The following PRKG1 variants were observed in gnomAD, a reference collection of about 807,000 sequenced individuals.
The protein encoded by PRKG1 is protein kinase cGMP-dependent 1, also known as cGMP-dependent protein kinase 1.
PRKG1 carries 35 observed loss-of-function variants against 88.1 expected under a neutral mutation model. The observed-to-expected ratio is 0.40, with a 90% CI of 0.30 to 0.53. The LOEUF is 0.53. Among genes scored for constraint, PRKG1 ranks in the 20% least tolerant of loss-of-function variants. PRKG1 has a pLI of 0.59. For synonymous variants in PRKG1, 303 were observed against 292.5 expected, an observed-to-expected ratio of 1.04 and a Z score of -0.37; for missense variants, 540 against 839.8, an observed-to-expected ratio of 0.64 and a Z score of 4.41.
In PRKG1 at chr10:51,498,193, A is replaced by C. The variant is rs538196383; in HGVS notation, c.592+30357A>C. Among the ~76,000 whole-genome samples, 3 of 152,338 alleles carry C rather than the reference A, an allele frequency of 2.0e-5. No homozygotes were observed. The South Asian group carries it at 6.2e-4, about 32-fold the overall frequency. ...TAAGGATATGTGAAGTTCATAATTT[A>C]GTAACTTCCTAATTTAATAAGCTCA... is the stretch of plus-strand genomic sequence containing the variant. On this transcript the variant is annotated intron_variant, in intron 3 of 17. Transcript: ENST00000373980.
At chr10:51,091,351 A>C (rs1844393556) in intron 1 of PRKG1, among the ~76,000 whole-genome samples, 2 of 151,996 alleles carry the variant, frequency 1.3e-5, no homozygotes, top group South Asian at 4.2e-4. Context: ...TTACCCCCTA[A>C]ATTTCCTGGA....
intron 5 of PRKG1, among the ~76,000 whole-genome samples, chr10:51,953,735 T>C (rs1843239480): frequency 6.6e-6 from 1 of 152,114 alleles, no homozygotes; most frequent in African/African-American, 2.4e-5. Context: ...TTTTTTTAAC[T>C]TTTGAACTGA....
chr10:51,351,398 C>T (rs919414902), intron 2 of PRKG1, among the ~76,000 whole-genome samples: 1 of 152,160 alleles, frequency 6.6e-6, no homozygotes, highest in African/African-American at 2.4e-5. Flanking sequence ...GTTCCTATTT[C>T]TCCACATCCT....
chr10:51,926,701 T>G (rs1296556279), intron 5 of PRKG1, among the ~76,000 whole-genome samples: 2 of 151,874 alleles, frequency 1.3e-5, no homozygotes, highest in African/African-American at 4.8e-5. Flanking sequence ...GACATATCAG[T>G]TTTCCATAGT....
At chr10:51,034,451 T>C (rs1335697929) in intron 1 of PRKG1, among the ~76,000 whole-genome samples, 3 of 151,852 alleles carry the variant, frequency 2.0e-5, no homozygotes, top group African/African-American at 7.3e-5. Flanking sequence ...TCCATGTCTA[T>C]TTTTCATAAA....
intron 2 of PRKG1, among the ~76,000 whole-genome samples, chr10:51,277,634 G>T (rs1840163355): frequency 6.6e-6 from 1 of 151,196 alleles, no homozygotes; most frequent in Admixed American, 6.6e-5. Context: ...CTCTTTTATT[G>T]AGCAGTGGTT....
chr10:51,282,355 TTATA>T (rs147147129), intron 2 of PRKG1, among the ~76,000 whole-genome samples: 1 of 150,672 alleles, frequency 6.6e-6, no homozygotes, highest in African/African-American at 2.5e-5. Context: ...AACATTTTGG[TTATA>T]TATATATATA....
chr10:51,188,356 A>G (rs760571809), intron 2 of PRKG1, among the ~76,000 whole-genome samples: 2 of 151,976 alleles, frequency 1.3e-5, no homozygotes, highest in Non-Finnish European at 2.9e-5. Context: ...ATATACCACA[A>G]TTATAGGCTA....
intron 3 of PRKG1, among the ~76,000 whole-genome samples, chr10:51,804,330 G>A (rs770402992): frequency 1.3e-5 from 2 of 152,048 alleles, no homozygotes; most frequent in Non-Finnish European, 2.9e-5. Flanking sequence ...AAGGGTCATA[G>A]AGCAAGGGCA....
At chr10:51,405,504 C>T (rs926964917) in intron 2 of PRKG1, among the ~76,000 whole-genome samples, 3 of 152,178 alleles carry the variant, frequency 2.0e-5, no homozygotes, top group African/African-American at 7.2e-5. Context: ...TTCTTTTATA[C>T]GTACAGGCGA....
At chr10:52,069,819 C>T (rs768214124) in intron 7 of PRKG1, among the ~76,000 whole-genome samples, 11 of 151,636 alleles carry the variant, frequency 7.3e-5, no homozygotes, top group East Asian at 1.9e-4. Flanking sequence ...TAAAATTTTA[C>T]CCATGTGAAA....
At chr10:51,017,024 C>T (rs1490135617) in intron 1 of PRKG1, among the ~76,000 whole-genome samples, 2 of 151,928 alleles carry the variant, frequency 1.3e-5, no homozygotes, top group East Asian at 1.9e-4. Context: ...CAGTGACTTG[C>T]TCAAGGTGCT....
At chr10:51,392,849 G>A (rs1409401180) in intron 2 of PRKG1, among the ~76,000 whole-genome samples, 10 of 147,562 alleles carry the variant, frequency 6.8e-5, no homozygotes, top group Non-Finnish European at 1.1e-4. Flanking sequence ...GCGGCTGGCC[G>A]GGCTGGGGGC....
rs1186609950 is a variant in PRKG1 at position 51,263,939 on chromosome 10, T to A, written c.478+110609T>A. The stretch of plus-strand genomic sequence containing the variant: ...ATGGTAATCCATAATATATTATAAT[T>A]TGAATCAGTGAACTTGAAGAACAGC... On this transcript the variant is annotated intron_variant, in intron 2 of 17. Coordinates refer to ENST00000373980, the MANE Select transcript of PRKG1 (RefSeq NM_006258.4). Among the ~76,000 whole-genome samples, 3 of 152,226 alleles carry A rather than the reference T, an allele frequency of 2.0e-5. No homozygotes were observed. The East Asian group carries it at 5.8e-4, about 29-fold the overall frequency.
At chr10:51,627,944 T>TCCTC (rs1181354283) in intron 3 of PRKG1, among the ~76,000 whole-genome samples, 1 of 41,754 alleles carries the variant, frequency 2.4e-5, no homozygotes, top group Non-Finnish European at 5.2e-5. Flanking sequence ...CTTCCTTCCT[T>TCCTC]TCTTTCTTTC....
intron 7 of PRKG1, chr10:52,081,658 G>C (rs1326677151): frequency 2.2e-6 from 1 of 456,520 alleles, no homozygotes; most frequent in African/African-American, 2.0e-5. Context: ...ACATTCTGAG[G>C]TAAGGAGTAA....
In PRKG1 at chr10:51,789,800, A is replaced by G. The variant is rs1297676224; in HGVS notation, c.593-14785A>G. Among the ~76,000 whole-genome samples, 6 of 151,864 alleles carry G rather than the reference A, an allele frequency of 4.0e-5. No homozygotes were observed. In the East Asian group the frequency reaches 7.7e-4, roughly 20 times the overall value. Reference sequence around the variant, plus strand: ...GTATGCCAGTTTTCTTGTCTTTGCCACCTTATTAACACAATATCAGTCATT... The same window carrying G: ...GTATGCCAGTTTTCTTGTCTTTGCCGCCTTATTAACACAATATCAGTCATT... On this transcript the variant is annotated intron_variant, in intron 3 of 17. Coordinates refer to ENST00000373980, the MANE Select transcript of PRKG1 (RefSeq NM_006258.4).
chr10:51,616,272 T>C (rs1382114628), intron 3 of PRKG1, among the ~76,000 whole-genome samples: 1 of 152,178 alleles, frequency 6.6e-6, no homozygotes, highest in Admixed American at 6.5e-5. Flanking sequence ...CAGATCCACA[T>C]GGTTCACTTC....
chr10:52,009,458 G>A (rs549214393), intron 5 of PRKG1, among the ~76,000 whole-genome samples: 1 of 152,040 alleles, frequency 6.6e-6, no homozygotes, highest in East Asian at 1.9e-4. Context: ...TAAGAATACA[G>A]CTAACCAGGA....
Sources: allele counts gnomAD v4.1 joint callset (sites outside exome capture counted in the v4.1 genomes callset), GRCh38; gene constraint gnomAD v4.1.1; transcripts MANE v1.5; gene names NCBI Gene and HGNC (gene_info 2026-07-23, HGNC 2026-07-21).